CACNA2D3: variants seen among roughly 807,000 people sequenced by gnomAD.
CACNA2D3 encodes calcium voltage-gated channel auxiliary subunit alpha2delta 3.
CACNA2D3 carries 60 observed loss-of-function variants against 160.6 expected under a neutral mutation model. The ratio of observed to expected loss-of-function variants is 0.37; its 90% CI spans 0.30 to 0.46. The LOEUF (loss-of-function observed/expected upper bound fraction) is 0.46. Among genes scored for constraint, CACNA2D3 ranks in the 20% least tolerant of loss-of-function variants. The pLI is 1.00. For synonymous variants in CACNA2D3, 558 were observed against 492.9 expected, an observed-to-expected ratio of 1.13 and a Z score of -1.75; for missense variants, 1,205 against 1,365.0, an observed-to-expected ratio of 0.88 and a Z score of 1.85.
chr3:54,462,430 C>G (rs182792447), intron 4 of CACNA2D3, among the ~76,000 whole-genome samples: 38 of 152,234 alleles, frequency 2.5e-4, no homozygotes, highest in African/African-American at 7.2e-4. Context: ...GTATGTCACT[C>G]AGGACTTGCT....
chr3:54,832,463 T>C (rs529094018), intron 14 of CACNA2D3, among the ~76,000 whole-genome samples: 119 of 152,320 alleles, frequency 7.8e-4, no homozygotes, highest in Admixed American at 2.7e-3. Context: ...CCAGGCAGTT[T>C]ACAAGATGTC....
intron 13 of CACNA2D3, among the ~76,000 whole-genome samples, chr3:54,811,475 T>A (rs1413544205): frequency 9.8e-4 from 5 of 5,114 alleles, no homozygotes; most frequent in Non-Finnish European, 1.4e-3. Flanking sequence ...CTTTTTTTTT[T>A]TTTTTTTTTT....
intron 17 of CACNA2D3, among the ~76,000 whole-genome samples, chr3:54,868,613 G>A (rs972129057): frequency 4.6e-5 from 7 of 152,096 alleles, no homozygotes; most frequent in African/African-American, 1.4e-4. Context: ...AATGACTTGG[G>A]TTCTTTAGCG....
intron 5 of CACNA2D3, among the ~76,000 whole-genome samples, chr3:54,546,014 C>G (rs950814412): frequency 6.6e-6 from 1 of 152,148 alleles, no homozygotes; most frequent in African/African-American, 2.4e-5. Flanking sequence ...ACCGTCCATG[C>G]AGTCAGAAGA....
intron 2 of CACNA2D3, among the ~76,000 whole-genome samples, chr3:54,162,937 T>C (rs1033358844): frequency 6.6e-6 from 1 of 152,118 alleles, no homozygotes; most frequent in Non-Finnish European, 1.5e-5. Flanking sequence ...TAGAGAATAG[T>C]GGGAGGTGCT....
At position 54,221,973 on chromosome 3, in the gene CACNA2D3, C is replaced by T. The variant is rs576900107; in HGVS notation, c.204+98379C>T. Among the ~76,000 whole-genome samples the T allele has an allele frequency of 3.3e-5, 5 of 152,238 alleles. No individual in the cohort carries two copies. In the South Asian group the frequency reaches 1.0e-3, roughly 32 times the overall value. On this transcript the variant is annotated intron_variant, in intron 2 of 37. Coordinates refer to ENST00000474759, the MANE Select transcript of CACNA2D3 (RefSeq NM_018398.3). Reference sequence around the variant, plus strand: ...AAGTGATCCTCCTGCCTCAGCCTCCCAAAGTGTTGGGATAACAGGTGTGAA... The same window carrying T: ...AAGTGATCCTCCTGCCTCAGCCTCCTAAAGTGTTGGGATAACAGGTGTGAA...
At chr3:54,763,454 A>C (rs1702121541) in intron 12 of CACNA2D3, among the ~76,000 whole-genome samples, 2 of 152,016 alleles carry the variant, frequency 1.3e-5, no homozygotes, top group Non-Finnish European at 2.9e-5. Flanking sequence ...CATAACTATT[A>C]TTGTTATGTT....
Position 54,968,508 on chromosome 3 carries a change from A to T in CACNA2D3, c.2508A>T (p.Arg836Ser). The T allele has an allele frequency of 6.2e-7, 1 of 1,608,412 alleles. No homozygotes were observed. The highest frequency in any genetic ancestry group is 8.5e-7 in the Non-Finnish European group (1 of 1,176,792). ...AAAGGAAGTTCTGGACTGCCAGCAGACAGGTAAGTTATAATCAGCATCTTG... is the reference window on the plus strand; with the variant it reads ...AAAGGAAGTTCTGGACTGCCAGCAGTCAGGTAAGTTATAATCAGCATCTTG... Reference protein sequence around the residue: ...FFQRKFWTASRQCASLDGKCS... With the variant: ...FFQRKFWTASSQCASLDGKCS... The change falls in exon 28 of 38, where the codon AGA becomes AGT. Residue 836 changes from arginine (R) to serine (S), a missense_variant. Physicochemically the swap from Arg to Ser is moderately radical, Grantham distance 110. This residue lies in a region of CACNA2D3 where 911 missense variants were observed against 1,002.2 expected (regional missense o/e 0.91). Coordinates refer to ENST00000474759, the MANE Select transcript of CACNA2D3 (RefSeq NM_018398.3).
chr3:54,573,913 C>G (rs1264244004), intron 8 of CACNA2D3, among the ~76,000 whole-genome samples: 1 of 152,110 alleles, frequency 6.6e-6, no homozygotes, highest in African/African-American at 2.4e-5. Context: ...CATAATTGCT[C>G]TAGTAATATG....
intron 13 of CACNA2D3, among the ~76,000 whole-genome samples, chr3:54,805,038 A>T (rs535248388): frequency 2.0e-5 from 3 of 152,368 alleles, no homozygotes; most frequent in African/African-American, 7.2e-5. Context: ...AATCTGTGGG[A>T]CACATTCAAA....
At chr3:54,319,201 C>CACACACACA (rs1559448362) in intron 2 of CACNA2D3, among the ~76,000 whole-genome samples, 6 of 146,782 alleles carry the variant, frequency 4.1e-5, no homozygotes, top group Admixed American at 1.4e-4. Context: ...CACACACACA[C>CACACACACA]CCTTCCTCGA....
chr3:54,190,208 A>G (rs1480484461), intron 2 of CACNA2D3, among the ~76,000 whole-genome samples: 1 of 152,130 alleles, frequency 6.6e-6, no homozygotes, highest in Non-Finnish European at 1.5e-5. Flanking sequence ...TCCTAATACC[A>G]TCACTTTGGG....
chr3:55,014,330 AT>A (rs1415937738), intron 34 of CACNA2D3, among the ~76,000 whole-genome samples: 1 of 152,100 alleles, frequency 6.6e-6, no homozygotes, highest in Non-Finnish European at 1.5e-5. Context: ...CTGGAACCTC[AT>A]TTTTCACTTC....
chr3:54,728,958 T>C (rs1426029398), intron 11 of CACNA2D3, among the ~76,000 whole-genome samples: 3 of 152,218 alleles, frequency 2.0e-5, no homozygotes, highest in Non-Finnish European at 4.4e-5. Flanking sequence ...ACTTAGTCAT[T>C]ATCAAATACA....
chr3:54,442,752 C>T (rs1426728156), intron 4 of CACNA2D3, among the ~76,000 whole-genome samples: 1 of 152,186 alleles, frequency 6.6e-6, no homozygotes, highest in Non-Finnish European at 1.5e-5. Flanking sequence ...AATCAACCAT[C>T]TAGGTGTCCA....
At chr3:54,835,728 G>A (rs945783862) in intron 14 of CACNA2D3, among the ~76,000 whole-genome samples, 1 of 152,178 alleles carries the variant, frequency 6.6e-6, no homozygotes, top group Non-Finnish European at 1.5e-5. Context: ...TTCACTTGGG[G>A]CTTGAACAGG....
At chr3:54,774,386 G>A (rs931238626) in intron 13 of CACNA2D3, among the ~76,000 whole-genome samples, 3 of 152,072 alleles carry the variant, frequency 2.0e-5, no homozygotes, top group African/African-American at 7.2e-5. Context: ...TATATGACTG[G>A]AGCAGGAGGA....
intron 35 of CACNA2D3, among the ~76,000 whole-genome samples, chr3:55,033,849 T>TGACAACAAA (rs1388110639): frequency 9.3e-6 from 1 of 106,988 alleles, no homozygotes; most frequent in African/African-American, 4.1e-5. Flanking sequence ...ATATATTACA[T>TGACAACAAA]ATTAAATATA....
chr3:54,962,185 G>A (rs935527765), intron 27 of CACNA2D3, among the ~76,000 whole-genome samples: 14 of 152,274 alleles, frequency 9.2e-5, no homozygotes, highest in Non-Finnish European at 1.5e-4. Context: ...TTTAACATGA[G>A]TTTCAGAGAG....
Sources: allele counts gnomAD v4.1 joint callset (sites outside exome capture counted in the v4.1 genomes callset), GRCh38; gene constraint gnomAD v4.1.1; regional missense constraint gnomAD v4.1.1; transcripts MANE v1.5; gene names NCBI Gene and HGNC (gene_info 2026-07-23, HGNC 2026-07-21).